The following KIF7 variants were observed in gnomAD, a reference collection of about 807,000 sequenced individuals.
KIF7 encodes kinesin family member 7, also known as kinesin-like protein KIF7.
Under a neutral mutation model 135.7 loss-of-function variants are expected in KIF7, and 104 were observed. The observed-to-expected ratio is 0.77, with a 90% confidence interval of 0.65 to 0.90. The LOEUF (loss-of-function observed/expected upper bound fraction) is 0.90. KIF7 is among the 40% of genes least tolerant of loss of function. KIF7 has a pLI of 0.00. For missense variants in KIF7, 2,005 were observed against 1,839.1 expected (o/e 1.09, Z -1.65); for synonymous variants, 883 against 809.4 (o/e 1.09, Z -1.54).
At chr15:89,626,432 G>T (rs1435789484), downstream of KIF7, among the ~76,000 whole-genome samples, 1 of 152,202 alleles carries the variant, frequency 6.6e-6, no homozygotes, top group Non-Finnish European at 1.5e-5. Flanking sequence ...CGCATGTTCT[G>T]TATATTCGGT....
At chr15:89,624,953 G>T, downstream of KIF7, 1 of 1,614,122 alleles carries the variant, frequency 6.2e-7, no homozygotes, top group Non-Finnish European at 8.5e-7. Flanking sequence ...GCATCAGCTT[G>T]GCATTCCACA....
intron 5 of KIF7, 31 bp downstream of exon 5, chr15:89,648,218 TGCCCAC>T (rs981544428): frequency 1.7e-5 from 25 of 1,465,488 alleles, no homozygotes; most frequent in Non-Finnish European, 2.3e-5. Context: ...CACTCCCCAC[TGCCCAC>T]AACCACAACC....
At position 89,646,909 on chromosome 15, in the gene KIF7, C is replaced by T. The variant is rs1057517751; in HGVS notation, c.1709G>A (p.Gly570Asp). ...VPRPHTAPLG[G>D]AHAHVLGMVP... ...CATGCCCAGCACATGGGCGTGGGCA[C>T]CCCCCAGGGGGGCTGTATGAGGTCG... The change falls in exon 7 of 19, where the codon GGT becomes GAT. Residue 570 changes from glycine (G) to aspartate (D), a missense_variant. By Grantham distance (94) the Gly-to-Asp change is moderately conservative. Transcript: ENST00000394412. 3 of 1,613,998 alleles carry T rather than the reference C, an allele frequency of 1.9e-6. No homozygotes were observed. The highest frequency in any genetic ancestry group is 2.5e-6 in the Non-Finnish European group (3 of 1,179,966).
intron 1 of KIF7, among the ~76,000 whole-genome samples, chr15:89,653,742 T>TTATTAGTATTAGTATTAG (rs67242272): frequency 1.6e-4 from 24 of 149,880 alleles, no homozygotes; most frequent in African/African-American, 5.0e-4. Context: ...GCTAATTTTA[T>TTATTAGTATTAGTATTAG]TATTAGTATT....
At chr15:89,655,529 G>C (rs181100849), upstream of KIF7, 372 of 151,720 alleles carry the variant, frequency 2.5e-3, 4 homozygotes, top group Middle Eastern at 0.021. Flanking sequence ...TCCGCCCGCC[G>C]GGGCGCTCGG....
Position 89,630,390 on chromosome 15 carries a change from G to A in KIF7, c.3215C>T (p.Ala1072Val). ...GCACTGGGACAGCAACGAGGCTGAGGCCCGAAGCACCCGCTGGCGGCATGT... is the reference window on the plus strand; with the variant it reads ...GCACTGGGACAGCAACGAGGCTGAGACCCGAAGCACCCGCTGGCGGCATGT... Reference protein sequence around the residue: ...AITCRQRVLRASASLLSQCEM... With the variant: ...AITCRQRVLRVSASLLSQCEM... The change falls in exon 16 of 19, where the codon GCC (alanine) becomes GTC (valine). Residue 1072 changes from alanine to valine, a missense_variant. Transcript: ENST00000394412. The A allele has an allele frequency of 6.2e-7, 1 of 1,613,738 alleles. No homozygotes were observed. The highest frequency in any genetic ancestry group is 8.5e-7 in the Non-Finnish European group (1 of 1,179,868).
chr15:89,643,489 G>A (rs1175688520), intron 10 of KIF7, among the ~76,000 whole-genome samples: 2 of 152,146 alleles, frequency 1.3e-5, no homozygotes, highest in Non-Finnish European at 1.5e-5. Context: ...ATCAAGTGAC[G>A]ACTGTATGAT....
downstream of KIF7, chr15:89,627,230 C>T (rs1233759564): frequency 4.2e-6 from 4 of 958,966 alleles, no homozygotes; most frequent in Non-Finnish European, 4.6e-6. Context: ...TTCTAATTCC[C>T]CTTATGGATC....
chr15:89,624,670 C>G (rs1963483566), downstream of KIF7: 1 of 1,614,090 alleles, frequency 6.2e-7, no homozygotes. Flanking sequence ...TGCATCCTCT[C>G]CTCTGCTCAT....
Position 89,652,820 on chromosome 15 carries a change from G to A in KIF7, c.111C>T (p.Cys37=). Residue 37 remains cysteine (C), a synonymous_variant, in exon 2 of 19, where the codon TGC becomes TGT. Coordinates refer to ENST00000394412, the MANE Select transcript of KIF7 (RefSeq NM_198525.3). ...PKELLHGHQS[C]LQVEPGLGRV... ...GGCCAAGCCCTGGCTCCACCTGCAG[G>A]CAGCTCTGATGCCCGTGCAGCAGCT... The A allele has an allele frequency of 6.4e-7, 1 of 1,550,850 alleles. No individual in the cohort carries two copies. Among genetic ancestry groups the A allele is most frequent in the Non-Finnish European group, 8.7e-7 (1 of 1,146,888 alleles).
chr15:89,633,094 A>AG (rs772799424), intron 13 of KIF7, 47 bp downstream of exon 13: 33 of 1,600,756 alleles, frequency 2.1e-5, no homozygotes, highest in Non-Finnish European at 2.5e-5. Context: ...TGCACCCACC[A>AG]GCCAGCCCCC....
At position 89,633,820 on chromosome 15, in the gene KIF7, G is replaced by C. The variant is rs150595682; in HGVS notation, c.2458C>G (p.Arg820Gly). 1.9e-6 allele frequency: 3 copies of C among 1,613,026 alleles called. No homozygotes were observed. Among genetic ancestry groups the C allele is most frequent in the African/African-American group, 1.3e-5 (1 of 75,058 alleles). The part of the protein sequence containing the change: ...LVSLSAQSEK[R>G]LQELERNVQL... The stretch of plus-strand genomic sequence containing the variant: ...ACGTTCCGCTCGAGCTCCTGCAGTC[G>C]CTTCTCACTCTGGGCCGACAGTGAC... Residue 820 changes from arginine (R) to glycine (G), a missense_variant, in exon 12 of 19, where the codon CGA becomes GGA. Arg to Gly is a moderately radical substitution (Grantham distance 125, BLOSUM62 -2). Transcript: ENST00000394412.
At position 89,628,789 on chromosome 15, in the gene KIF7, G is replaced by A. The variant is rs1480573258; in HGVS notation, c.3665-3C>T. ...GCACAGGCTCCTCTTCTCCCCACCT[G>A]TCATGGAGAGTAACGTGTCCTCATC... On this transcript the variant is annotated splice_polypyrimidine_tract_variant and splice_region_variant and intron_variant, in intron 18 of 18. Coordinates refer to ENST00000394412, the MANE Select transcript of KIF7 (RefSeq NM_198525.3). The A allele has an allele frequency of 6.2e-7, 1 of 1,611,734 alleles. No individual in the cohort carries two copies. The highest frequency in any genetic ancestry group is 8.5e-7 in the Non-Finnish European group (1 of 1,179,982).
Position 89,628,630 on chromosome 15 carries a change from G to T in KIF7, c.3821C>A (p.Pro1274His). The T allele has an allele frequency of 6.2e-7, 1 of 1,613,320 alleles. No individual in the cohort carries two copies. Residue 1274 changes from proline (P) to histidine (H), a missense_variant, in exon 19 of 19, where the codon CCC (proline) becomes CAC (histidine). Physicochemically the swap from Pro to His is moderately conservative, Grantham distance 77. Coordinates refer to ENST00000394412, the MANE Select transcript of KIF7 (RefSeq NM_198525.3). ...ETRDLVHAPL[P>H]LTWKRSSLCG... ...CAGGCTCGAGCGTTTCCAGGTCAAG[G>T]GTAACGGAGCGTGGACCAAGTCCCG... is the stretch of plus-strand genomic sequence containing the variant.
intron 11 of KIF7, among the ~76,000 whole-genome samples, chr15:89,634,569 T>A (rs1247219885): frequency 6.6e-6 from 1 of 152,174 alleles, no homozygotes; most frequent in East Asian, 1.9e-4. Context: ...GGGTGACAGA[T>A]GGCACCTGGA....
intron 11 of KIF7, among the ~76,000 whole-genome samples, chr15:89,637,400 T>C (rs1963831633): frequency 6.6e-6 from 1 of 151,588 alleles, no homozygotes; most frequent in Admixed American, 6.6e-5. Flanking sequence ...AGCTGGTTTT[T>C]TGAAAGGATC....
rs1225214193 is a variant in KIF7 at position 89,633,252 on chromosome 15, C to T, written c.2607G>A (p.Lys869=). ...TCAGGATCTTCTGCTGTTGCTCATG[C>T]TTCAGCTCCAGCTCCTGGGTGAGGA... ...RQHRVKELEL[K]HEQQQKILKI... is the part of the protein sequence containing the mutation. Residue 869 remains lysine (K), a synonymous_variant, in exon 13 of 19, where the codon AAG becomes AAA. Coordinates refer to ENST00000394412, the MANE Select transcript of KIF7 (RefSeq NM_198525.3). 3.2e-6 allele frequency: 5 copies of T among 1,574,760 alleles called. 1 individual carries two copies. In the South Asian group the frequency reaches 3.5e-5, roughly 11 times the overall value.
chr15:89,661,432 G>A, the KIF7 span, among the ~76,000 whole-genome samples: 1 of 152,278 alleles, frequency 6.6e-6, no homozygotes, highest in African/African-American at 2.4e-5. Context: ...AAAAAATTCA[G>A]GACTGTGGTT....
At chr15:89,628,843 C>T in intron 18 of KIF7, 57 bp from the exon 19 acceptor site, 1 of 1,611,906 alleles carries the variant, frequency 6.2e-7, no homozygotes, top group Non-Finnish European at 8.5e-7. Flanking sequence ...CTTCCCGAAG[C>T]CCTAGCTCCC....
Sources: gnomAD v4.1 joint callset for allele counts (sites outside exome capture counted in the v4.1 genomes callset) on GRCh38, gnomAD v4.1.1 for gene constraint, MANE v1.5 for transcripts, NCBI Gene and HGNC (gene_info 2026-07-23, HGNC 2026-07-21) for gene names.